JAM3: variants seen among roughly 807,000 people sequenced by gnomAD.
The protein encoded by JAM3 is junctional adhesion molecule C.
Under a neutral mutation model 39.4 loss-of-function variants are expected in JAM3, and 31 were observed. The observed-to-expected ratio is 0.79, with a 90% CI of 0.59 to 1.06. JAM3 has a LOEUF of 1.06. Ranked by LOEUF, JAM3 falls within the 50% of genes least tolerant of loss-of-function variation. The pLI, the probability that JAM3 is intolerant of heterozygous loss-of-function variation, is 0.00. For synonymous variants in JAM3, 182 were observed against 148.7 expected (o/e 1.22, Z -1.63); for missense variants, 455 against 391.4 (o/e 1.16, Z -1.37).
At chr11:134,124,993 A>ACCC (rs142281577) in intron 1 of JAM3, among the ~76,000 whole-genome samples, 11 of 151,964 alleles carry the variant, frequency 7.2e-5, no homozygotes, top group African/African-American at 2.7e-4. Context: ...CGGCGACGAC[A>ACCC]CCCCCCAGCC....
At chr11:134,144,027 C>T (rs1361456272) in intron 3 of JAM3, among the ~76,000 whole-genome samples, 2 of 152,106 alleles carry the variant, frequency 1.3e-5, no homozygotes, top group East Asian at 3.9e-4. Flanking sequence ...GTGTCTTGCA[C>T]ACCAGGAACT....
chr11:134,144,457 G>C (rs1943032478), intron 4 of JAM3, 64 bp downstream of exon 4: 1 of 1,586,828 alleles, frequency 6.3e-7, no homozygotes, highest in Non-Finnish European at 8.6e-7. Flanking sequence ...TTAGTGTCTT[G>C]GTTTCTTTCC....
chr11:134,070,336 T>G (rs1291078536), intron 1 of JAM3: 1 of 407,630 alleles, frequency 2.5e-6, no homozygotes. Flanking sequence ...GAATTGCCAC[T>G]GTCATCCCAT....
At chr11:134,084,662 G>A (rs1368638427) in intron 1 of JAM3, among the ~76,000 whole-genome samples, 1 of 152,100 alleles carries the variant, frequency 6.6e-6, no homozygotes, top group African/African-American at 2.4e-5. Flanking sequence ...CTACTATGTT[G>A]CAGTTCATTT....
Position 134,123,806 on chromosome 11 carries a change from C to G in JAM3, c.77-16045C>G, listed in dbSNP as rs190515983. The G allele has an allele frequency of 1.8e-3, 1,327 of 747,522 alleles. 17 individuals carry two copies. In the Admixed American group the frequency reaches 0.022, roughly 12 times the overall value. 46.3% of individuals were successfully genotyped at this position (747,522 alleles called of 1,614,324 possible). The stretch of plus-strand genomic sequence containing the variant: ...CTCTAAATGCCACAATCAAGTGAGC[C>G]TTCATTTACATTTCTTTCTACTGAA... On this transcript the variant is annotated intron_variant, in intron 1 of 8. Coordinates refer to ENST00000299106, the MANE Select transcript of JAM3 (RefSeq NM_032801.5).
chr11:134,105,285 C>A (rs1482907956), intron 1 of JAM3, among the ~76,000 whole-genome samples: 1 of 152,136 alleles, frequency 6.6e-6, no homozygotes, highest in Non-Finnish European at 1.5e-5. Flanking sequence ...CAGAAAAGGC[C>A]TTTGACAAAA....
intron 1 of JAM3, chr11:134,124,386 CAAT>C (rs893155566): frequency 3.3e-5 from 21 of 629,650 alleles, no homozygotes; most frequent in Admixed American, 1.9e-4. Context: ...TGAAAGAAAT[CAAT>C]AAATCAAAAT....
At chr11:134,105,788 C>T (rs1942172794) in intron 1 of JAM3, among the ~76,000 whole-genome samples, 1 of 152,150 alleles carries the variant, frequency 6.6e-6, no homozygotes, top group Non-Finnish European at 1.5e-5. Context: ...ATCCAACTTA[C>T]AAGGGATGTG....
intron 6 of JAM3, among the ~76,000 whole-genome samples, chr11:134,146,332 T>C (rs1413099511): frequency 6.6e-6 from 1 of 152,194 alleles, no homozygotes; most frequent in Non-Finnish European, 1.5e-5. Context: ...TCTTTGGTAA[T>C]TGATAGAATT....
At chr11:134,148,869 A>G (rs1328048962) in intron 8 of JAM3, 51 bp downstream of exon 8, 2 of 1,586,194 alleles carry the variant, frequency 1.3e-6, no homozygotes, top group Admixed American at 3.4e-5. Context: ...AGGGAAAACA[A>G]CATTCCCCCT....
rs77399063 is a variant in JAM3, at chr11:134,138,099, T to C, written c.77-1752T>C. 1.3e-3 allele frequency among the ~76,000 whole-genome samples: 134 copies of C among 103,796 alleles called. 1 individual carries two copies. The highest frequency in any genetic ancestry group is 1.7e-3 in the East Asian group (4 of 2,312). The allele number at this position is 103,796 out of a possible 152,430, so 68.1% of individuals were successfully genotyped here. The stretch of plus-strand genomic sequence containing the variant: ...AATAGTCCCTTAGAGCCAGTGGTGG[T>C]GTCTCGTCTAAGTCATGGTGCTCCT... On this transcript the variant is annotated intron_variant, in intron 1 of 8. Coordinates refer to ENST00000299106, the MANE Select transcript of JAM3 (RefSeq NM_032801.5).
At chr11:134,110,629 C>A (rs1043651500) in intron 1 of JAM3, among the ~76,000 whole-genome samples, 2 of 151,876 alleles carry the variant, frequency 1.3e-5, no homozygotes, top group Non-Finnish European at 2.9e-5. Flanking sequence ...TGCCTGGGGA[C>A]AGGGCAGATG....
intron 1 of JAM3, among the ~76,000 whole-genome samples, chr11:134,128,261 G>C (rs1453633562): frequency 6.6e-6 from 1 of 152,136 alleles, no homozygotes; most frequent in South Asian, 2.1e-4. Flanking sequence ...CTGCTCACCT[G>C]CAGAGACAGC....
At chr11:134,112,544 C>A (rs1014094487) in intron 1 of JAM3, among the ~76,000 whole-genome samples, 1 of 152,160 alleles carries the variant, frequency 6.6e-6, no homozygotes, top group Non-Finnish European at 1.5e-5. Context: ...ATGACACACA[C>A]ACATATTTTG....
chr11:134,133,498 T>G (rs187261040), intron 1 of JAM3, among the ~76,000 whole-genome samples: 1 of 152,344 alleles, frequency 6.6e-6, no homozygotes, highest in East Asian at 1.9e-4. Context: ...TGTTTTTATC[T>G]TGAAAGGATT....
At position 134,144,844 on chromosome 11, in the gene JAM3, G is replaced by C. The variant is rs1414648038; in HGVS notation, c.462G>C (p.Lys154Asn). ...TGCCGAAGGCTGTACCAGTAGGCAA[G>C]ATGGCAACACTGCACTGCCAGGAGA... is the stretch of plus-strand genomic sequence containing the variant. ...CRVPKAVPVG[K>N]MATLHCQESE... is the part of the protein sequence containing the mutation. The change falls in exon 5 of 9, where the codon AAG (lysine) becomes AAC (asparagine). Residue 154 changes from lysine (K) to asparagine (N), a missense_variant. Coordinates refer to ENST00000299106, the MANE Select transcript of JAM3 (RefSeq NM_032801.5). The C allele has an allele frequency of 4.3e-6, 7 of 1,614,072 alleles. No homozygotes were observed. The highest frequency in any genetic ancestry group is 1.3e-5 in the African/African-American group (1 of 74,922).
At chr11:134,107,416 G>C (rs1942214332) in intron 1 of JAM3, among the ~76,000 whole-genome samples, 1 of 151,974 alleles carries the variant, frequency 6.6e-6, no homozygotes, top group African/African-American at 2.4e-5. Flanking sequence ...CACCAACATG[G>C]CACATGTATA....
At chr11:134,121,577 C>T (rs1279251454) in intron 1 of JAM3, among the ~76,000 whole-genome samples, 2 of 152,060 alleles carry the variant, frequency 1.3e-5, no homozygotes, top group Non-Finnish European at 2.9e-5. Flanking sequence ...ATTCTGACAT[C>T]TCTCTATGTC....
At chr11:134,132,946 G>T (rs772364858) in intron 1 of JAM3, among the ~76,000 whole-genome samples, 4 of 152,210 alleles carry the variant, frequency 2.6e-5, no homozygotes, top group Admixed American at 6.5e-5. Flanking sequence ...TGCTCTGCAG[G>T]TTGGGATTCT....
Sources: gnomAD v4.1 joint callset for allele counts (sites outside exome capture counted in the v4.1 genomes callset) on GRCh38, gnomAD v4.1.1 for gene constraint, MANE v1.5 for transcripts, NCBI Gene and HGNC (gene_info 2026-07-23, HGNC 2026-07-21) for gene names.